Variants in TMC5 observed in about 807,000 individuals in gnomAD.
TMC5 encodes transmembrane channel like 5, also known as transmembrane channel-like protein 5.
TMC5 carries 86 observed loss-of-function variants against 110.5 expected under a neutral mutation model. The ratio of observed to expected loss-of-function variants is 0.78; its 90% CI spans 0.65 to 0.93. The LOEUF is 0.93. Ranked by LOEUF, TMC5 falls within the 40% of genes least tolerant of loss-of-function variation. The pLI is 0.00. For synonymous variants in TMC5, 455 were observed against 439.5 expected, an observed-to-expected ratio of 1.04 and a Z score of -0.44; for missense variants, 1,144 against 1,222.8, an observed-to-expected ratio of 0.94 and a Z score of 0.96.
rs1969019165 is a variant in TMC5 at position 19,495,055 on chromosome 16, C to A, written c.2931+689C>A. Among the ~76,000 whole-genome samples, 2 of 17,450 alleles carry A rather than the reference C, an allele frequency of 1.1e-4. 1 individual carries two copies. The highest frequency in any genetic ancestry group is 2.2e-4 in the African/African-American group (2 of 9,114). 11.4% of individuals were successfully genotyped at this position (17,450 alleles called of 152,430 possible). A position where few individuals can be genotyped will look rare whatever the true frequency, so the allele number is the denominator to read the frequency against. On this transcript the variant is annotated intron_variant, in intron 20 of 21. Coordinates refer to ENST00000542583, the MANE Select transcript of TMC5 (RefSeq NM_001261841.2). ...TTTGAGACGGAGTCTCGCTCTGTCG[C>A]CCAGGCTGGAGTGCAGTGGCGGGAT... is the stretch of plus-strand genomic sequence containing the variant.
In TMC5 at chr16:19,497,168, GTAAT is replaced by G; in HGVS notation, c.2974+9_2974+12del. 5 of 1,613,492 alleles carry G rather than the reference GTAAT, an allele frequency of 3.1e-6. No individual in the cohort carries two copies. Among genetic ancestry groups the G allele is most frequent in the Non-Finnish European group, 4.2e-6 (5 of 1,179,518 alleles). ...GGGAACATGATGGCAGTCTTGGTGAGTAATTAAACTGGGACAGAATAAGACACTA... is the reference window on the plus strand; with the variant it reads ...GGGAACATGATGGCAGTCTTGGTGAGTAAACTGGGACAGAATAAGACACTA... On this transcript the variant is annotated splice_donor_region_variant and intron_variant, in intron 21 of 21. Coordinates refer to ENST00000542583, the MANE Select transcript of TMC5 (RefSeq NM_001261841.2).
chr16:19,492,208 C>T lies in TMC5; in HGVS notation c.2806C>T (p.Leu936Phe). Residue 936 changes from leucine to phenylalanine, a missense_variant, in exon 19 of 22, where the codon CTC becomes TTC. Coordinates refer to ENST00000542583, the MANE Select transcript of TMC5 (RefSeq NM_001261841.2). ...GGGAAGGAAGATTATGATAAGGCTG[C>T]TCCATGAGCAGATCATTAATGTAAG... is the stretch of plus-strand genomic sequence containing the variant. ...TEGRKIMIRLLHEQIINEGKD... is the reference protein window; with the variant it reads ...TEGRKIMIRLFHEQIINEGKD... The T allele has an allele frequency of 6.2e-7, 1 of 1,613,430 alleles. No individual in the cohort carries two copies. Among genetic ancestry groups the T allele is most frequent in the Non-Finnish European group, 8.5e-7 (1 of 1,179,440 alleles).
intron 11 of TMC5, among the ~76,000 whole-genome samples, chr16:19,473,370 A>C (rs1241480505): frequency 6.1e-5 from 9 of 147,434 alleles, no homozygotes; most frequent in East Asian, 5.9e-4. Flanking sequence ...AAAAAAAAAA[A>C]AAAAAAAAAA....
At position 19,427,222 on chromosome 16, in the gene TMC5, G is replaced by A. The variant is rs142152399; in HGVS notation, c.-307-3191G>A. Reference sequence around the variant, plus strand: ...TAATCCCAGCACTTTGGGAGGCCAAGGCCAGCGGATCACTTGAGGCCAAGA... The same window carrying A: ...TAATCCCAGCACTTTGGGAGGCCAAAGCCAGCGGATCACTTGAGGCCAAGA... On this transcript the variant is annotated intron_variant, in intron 1 of 21. Transcript: ENST00000542583. Among the ~76,000 whole-genome samples, 180 of 152,318 alleles carry A rather than the reference G, an allele frequency of 1.2e-3. 1 individual carries two copies. Among genetic ancestry groups the A allele is most frequent in the African/African-American group, 4.1e-3 (172 of 41,572 alleles).
At chr16:19,497,404 A>T (rs1198821064) in intron 21 of TMC5, among the ~76,000 whole-genome samples, 1 of 152,232 alleles carries the variant, frequency 6.6e-6, no homozygotes, top group African/African-American at 2.4e-5. Context: ...TTCCTTTTGC[A>T]ATAGACTCTG....
At position 19,480,341 on chromosome 16, in the gene TMC5, G is replaced by A. The variant is rs563417458; in HGVS notation, c.2267+813G>A. Among the ~76,000 whole-genome samples, 18 of 152,090 alleles carry A rather than the reference G, an allele frequency of 1.2e-4. No homozygotes were observed. In the South Asian group the frequency reaches 3.5e-3, roughly 30 times the overall value. On this transcript the variant is annotated intron_variant, in intron 14 of 21. Transcript: ENST00000542583. ...TAATTCATTTTTTTAATAATATGAT[G>A]AGCCTCTCATTCCTTATAGACATTT...
rs976532993 is a variant in TMC5 at position 19,434,463 on chromosome 16, T to G, written c.-80+3823T>G. 5.0e-4 allele frequency among the ~76,000 whole-genome samples: 32 copies of G among 63,946 alleles called. 1 individual carries two copies. Among genetic ancestry groups the G allele is most frequent in the East Asian group, 8.1e-4 (1 of 1,242 alleles). The allele number at this position is 63,946 out of a possible 152,430, so 42.0% of individuals were successfully genotyped here. A position where few individuals can be genotyped will look rare whatever the true frequency, so the allele number is the denominator to read the frequency against. ...TATATATCTATTATATATCTATATC[T>G]ATAGATAGATAGATAGATAGATAGA... On this transcript the variant is annotated intron_variant, in intron 2 of 21. Coordinates refer to ENST00000542583, the MANE Select transcript of TMC5 (RefSeq NM_001261841.2).
At chr16:19,493,752 C>T (rs1403429490) in intron 19 of TMC5, among the ~76,000 whole-genome samples, 1 of 152,188 alleles carries the variant, frequency 6.6e-6, no homozygotes, top group South Asian at 2.1e-4. Context: ...TGAGCCACTG[C>T]GCCCAGCCAA....
rs1968357066 is a variant in TMC5, at chr16:19,472,080, G to A, written c.1783-8G>A. The stretch of plus-strand genomic sequence containing the variant: ...CCAGCCATAAACTTGACTTTCTTAT[G>A]TTTCTAGGAGAACCTGTCAGAGCTC... On this transcript the variant is annotated splice_polypyrimidine_tract_variant and splice_region_variant and intron_variant, in intron 10 of 21. Coordinates refer to ENST00000542583, the MANE Select transcript of TMC5 (RefSeq NM_001261841.2). 1 of 1,610,962 alleles carries A rather than the reference G, an allele frequency of 6.2e-7. No individual in the cohort carries two copies. Among genetic ancestry groups the A allele is most frequent in the Non-Finnish European group, 8.5e-7 (1 of 1,177,900 alleles).
chr16:19,456,825 G>C (rs770219936), intron 5 of TMC5: 11 of 1,614,176 alleles, frequency 6.8e-6, no homozygotes, highest in Non-Finnish European at 8.5e-6. Flanking sequence ...CTAGACTCAA[G>C]CATCAACATG....
chr16:19,481,649 T>G (rs954268026), intron 15 of TMC5, among the ~76,000 whole-genome samples, 184 bp downstream of exon 15: 1 of 152,214 alleles, frequency 6.6e-6, no homozygotes, highest in African/African-American at 2.4e-5. Context: ...GCTTAAGGAC[T>G]TCAGACAAGA....
chr16:19,456,709 G>T (rs1344768875), intron 5 of TMC5: 10 of 1,604,980 alleles, frequency 6.2e-6, no homozygotes, highest in Non-Finnish European at 8.5e-6. Context: ...GGCAGGAGAT[G>T]CTGTCCGATG....
rs144130376 is a variant in TMC5, at chr16:19,443,996, A to AATGGATGG, written c.789-61_789-54dup. The AATGGATGG allele has an allele frequency of 5.3e-4, 611 of 1,158,468 alleles. 1 individual carries two copies. In the African/African-American group the frequency reaches 5.8e-3, roughly 11 times the overall value. 71.8% of individuals were successfully genotyped at this position (1,158,468 alleles called of 1,614,324 possible). ...AAATAAATGGATGAATACATGATTG[A>AATGGATGG]ATGGATGGATGGATGGATGGATGGA... On this transcript the variant is annotated intron_variant, in intron 3 of 21. Coordinates refer to ENST00000542583, the MANE Select transcript of TMC5 (RefSeq NM_001261841.2).
At chr16:19,410,554 A>T (rs894923703), upstream of TMC5, 2 of 152,244 alleles carry the variant, frequency 1.3e-5, no homozygotes, top group African/African-American at 4.8e-5. Context: ...AGGCTGGGTC[A>T]TGGAAAGAAA....
At chr16:19,474,421 C>A in intron 12 of TMC5, 145 bp downstream of exon 12, 1 of 918,156 alleles carries the variant, frequency 1.1e-6, no homozygotes, top group Non-Finnish European at 1.7e-6. Context: ...GGCGTGGTGG[C>A]TCATGTCAGT....
intron 12 of TMC5, among the ~76,000 whole-genome samples, chr16:19,476,297 T>C (rs1377776915): frequency 1.3e-5 from 2 of 151,896 alleles, no homozygotes. Flanking sequence ...CAGTGAGCCA[T>C]GACCACACCA....
intron 3 of TMC5, among the ~76,000 whole-genome samples, chr16:19,441,455 G>A (rs1185793169): frequency 6.6e-6 from 1 of 151,910 alleles, no homozygotes; most frequent in Admixed American, 6.6e-5. Context: ...AAGTAGCTGG[G>A]ACTACAGGTG....
At chr16:19,491,818 T>C (rs1005585864) in intron 18 of TMC5, among the ~76,000 whole-genome samples, 4 of 151,068 alleles carry the variant, frequency 2.6e-5, no homozygotes, top group Non-Finnish European at 5.9e-5. Context: ...ATTCCAGGCA[T>C]GAGCCACCGT....
chr16:19,437,296 T>C (rs574473188), intron 2 of TMC5, among the ~76,000 whole-genome samples: 1 of 152,348 alleles, frequency 6.6e-6, no homozygotes, highest in African/African-American at 2.4e-5. Context: ...CTGGGTTGTA[T>C]GCTCTGACAG....
Sources: allele counts gnomAD v4.1 joint callset (sites outside exome capture counted in the v4.1 genomes callset), GRCh38; gene constraint gnomAD v4.1.1; transcripts MANE v1.5; gene names NCBI Gene and HGNC (gene_info 2026-07-23, HGNC 2026-07-21).